The following OSMR variants were observed in gnomAD, a reference collection of about 807,000 sequenced individuals.
OSMR encodes the protein oncostatin M receptor, also known as oncostatin-M-specific receptor subunit beta.
In OSMR, 81 loss-of-function variants were observed where a neutral mutation model predicts 99.9. The observed-to-expected ratio is 0.81, with a 90% CI of 0.68 to 0.97. OSMR has a LOEUF of 0.97. OSMR is among the 50% of genes least tolerant of loss of function. The pLI is 0.00. For synonymous variants in OSMR, 406 were observed against 410.4 expected, an observed-to-expected ratio of 0.99 and a Z score of 0.13; for missense variants, 1,099 against 1,153.4, an observed-to-expected ratio of 0.95 and a Z score of 0.68.
chr5:38,924,717 T>C (rs1746392063), intron 14 of OSMR, 122 bp downstream of exon 14: 1 of 898,094 alleles, frequency 1.1e-6, no homozygotes, highest in Non-Finnish European at 1.8e-6. Context: ...CATGGCTTTA[T>C]ACTGGAAAGG....
Position 38,921,764 on chromosome 5 carries a change from C to T in OSMR, c.1735C>T (p.Pro579Ser). Residue 579 changes from proline (P) to serine (S), a missense_variant, in exon 12 of 18, where the codon CCC becomes TCC. Pro to Ser is a moderately conservative substitution (Grantham distance 74, BLOSUM62 -1). Coordinates refer to ENST00000274276, the MANE Select transcript of OSMR (RefSeq NM_003999.3). ...TGATTTCCAGTGGAAGAATGTAGGT[C>T]CCAATACCACAAGCACAGTCATTAG... ...LGDFQWKNVG[P>S]NTTSTVISTD... The T allele has an allele frequency of 6.2e-7, 1 of 1,614,018 alleles. No individual in the cohort carries two copies. Among genetic ancestry groups the T allele is most frequent in the Non-Finnish European group, 8.5e-7 (1 of 1,179,938 alleles).
chr5:38,862,182 G>T (rs1741448991), intron 1 of OSMR, among the ~76,000 whole-genome samples: 1 of 131,430 alleles, frequency 7.6e-6, no homozygotes, highest in Non-Finnish European at 1.7e-5. Flanking sequence ...TCACTTCCCA[G>T]TAGGGGCGGC....
intron 1 of OSMR, among the ~76,000 whole-genome samples, chr5:38,849,712 T>G (rs1224290389): frequency 2.6e-5 from 4 of 152,304 alleles, no homozygotes; most frequent in Non-Finnish European, 1.5e-5. Context: ...AGCTCCAAGC[T>G]TTAAGGAAAC....
intron 1 of OSMR, among the ~76,000 whole-genome samples, chr5:38,864,744 T>C (rs996657467): frequency 1.8e-4 from 27 of 152,296 alleles, no homozygotes; most frequent in African/African-American, 6.3e-4. Flanking sequence ...TCTTTTGGGA[T>C]CTCTGAGCTT....
At chr5:38,880,198 G>A (rs932609059) in intron 3 of OSMR, among the ~76,000 whole-genome samples, 1 of 152,208 alleles carries the variant, frequency 6.6e-6, no homozygotes, top group African/African-American at 2.4e-5. Context: ...ATAGGGGGCA[G>A]ACATAATTAG....
intron 1 of OSMR, among the ~76,000 whole-genome samples, chr5:38,860,405 C>T (rs1486134112): frequency 2.6e-5 from 4 of 152,216 alleles, no homozygotes; most frequent in South Asian, 2.1e-4. Context: ...CCCTGCATCC[C>T]GGGGATAAAT....
intron 15 of OSMR, among the ~76,000 whole-genome samples, chr5:38,931,487 T>TA (rs1445339243): frequency 6.6e-6 from 1 of 152,160 alleles, no homozygotes; most frequent in East Asian, 1.9e-4. Context: ...TTAAAGCACT[T>TA]ACGTTACAAT....
At chr5:38,859,383 A>C (rs1192336046) in intron 1 of OSMR, among the ~76,000 whole-genome samples, 1 of 152,044 alleles carries the variant, frequency 6.6e-6, no homozygotes, top group Non-Finnish European at 1.5e-5. Context: ...TGTTCTTGGA[A>C]CCTTGGTTGA....
chr5:38,939,163 G>A, downstream of OSMR: 1 of 232,978 alleles, frequency 4.3e-6, no homozygotes, highest in African/African-American at 2.2e-5. Flanking sequence ...GGCATCCTCT[G>A]AATGGAATAA....
At chr5:38,918,662 A>C in intron 10 of OSMR, 178 bp from the exon 11 acceptor site, 1 of 828,648 alleles carries the variant, frequency 1.2e-6, no homozygotes, top group Non-Finnish European at 1.5e-6. Flanking sequence ...ACCTTCAGTT[A>C]GATTTGAATG....
intron 9 of OSMR, among the ~76,000 whole-genome samples, chr5:38,911,648 A>T (rs538660078): frequency 2.6e-5 from 4 of 152,344 alleles, no homozygotes; most frequent in African/African-American, 9.6e-5. Flanking sequence ...ATGAACATAG[A>T]TGCAAAAATC....
intron 7 of OSMR, among the ~76,000 whole-genome samples, chr5:38,899,688 C>T (rs1744769396): frequency 6.6e-6 from 1 of 152,170 alleles, no homozygotes; most frequent in African/African-American, 2.4e-5. Context: ...CAGGGTGTGT[C>T]TTTAGAAATG....
intron 3 of OSMR, among the ~76,000 whole-genome samples, chr5:38,879,524 A>C (rs115951288): frequency 0.024 from 3,620 of 152,218 alleles, 69 homozygotes; most frequent in Non-Finnish European, 0.034. Flanking sequence ...AAGGGAGGTA[A>C]AGTTCAGTCT....
intron 7 of OSMR, among the ~76,000 whole-genome samples, chr5:38,891,730 C>T (rs1466140386): frequency 6.6e-6 from 1 of 152,204 alleles, no homozygotes; most frequent in Non-Finnish European, 1.5e-5. Context: ...GCTCCACAGG[C>T]CTTGGATCCC....
intron 1 of OSMR, among the ~76,000 whole-genome samples, chr5:38,860,034 T>A (rs574208209): frequency 8.3e-4 from 127 of 152,318 alleles, no homozygotes; most frequent in Admixed American, 1.5e-3. Context: ...GGGGACACTT[T>A]TTCTTTCTCA....
At chr5:38,870,849 C>T (rs948024298) in intron 2 of OSMR, among the ~76,000 whole-genome samples, 2 of 152,058 alleles carry the variant, frequency 1.3e-5, no homozygotes, top group African/African-American at 4.8e-5. Flanking sequence ...TGAAAATTCT[C>T]CAGGTGGGAG....
chr5:38,914,388 A>G (rs1334149310), intron 9 of OSMR, among the ~76,000 whole-genome samples: 2 of 152,226 alleles, frequency 1.3e-5, no homozygotes, highest in Non-Finnish European at 2.9e-5. Context: ...GGGAAGCTGC[A>G]GGGAAAAGGG....
intron 1 of OSMR, among the ~76,000 whole-genome samples, chr5:38,860,346 T>G (rs1413585860): frequency 6.6e-6 from 1 of 152,226 alleles, no homozygotes; most frequent in Admixed American, 6.5e-5. Flanking sequence ...TGTCTTTCAT[T>G]TTTTTGATGT....
chr5:38,867,672 T>C (rs1030073185), intron 1 of OSMR, among the ~76,000 whole-genome samples: 1 of 152,244 alleles, frequency 6.6e-6, no homozygotes, highest in African/African-American at 2.4e-5. Context: ...TCTTTGGCTC[T>C]TTACAATTCT....
Sources: gnomAD v4.1 joint callset for allele counts (sites outside exome capture counted in the v4.1 genomes callset) on GRCh38, gnomAD v4.1.1 for gene constraint, MANE v1.5 for transcripts, NCBI Gene and HGNC (gene_info 2026-07-23, HGNC 2026-07-21) for gene names.